NRCAM: variants seen among roughly 807,000 people sequenced by gnomAD.
The protein encoded by NRCAM is NgCAM-related cell adhesion molecule.
Under a neutral mutation model 156.5 loss-of-function variants are expected in NRCAM, and 83 were observed. The ratio of observed to expected loss-of-function variants is 0.53; its 90% CI spans 0.44 to 0.64. The LOEUF (loss-of-function observed/expected upper bound fraction) is 0.64, where lower values mean the gene tolerates loss of function less well. Ranked by LOEUF, NRCAM falls within the 30% of genes least tolerant of loss-of-function variation. NRCAM has a pLI of 0.00. For synonymous variants in NRCAM, 538 were observed against 563.9 expected, an observed-to-expected ratio of 0.95 and a Z score of 0.65; for missense variants, 1,417 against 1,597.3, an observed-to-expected ratio of 0.89 and a Z score of 1.92.
rs116908230 is a variant in NRCAM at position 108,326,190 on chromosome 7, A to G, written c.-173-13459T>C. ...TTGTGTTCAATAAGACAAAGTTAAT[A>G]TAAAAAGATACATCTAATTCTATGT... On this transcript the variant is annotated intron_variant, in intron 2 of 32. Coordinates refer to ENST00000379028, the MANE Select transcript of NRCAM (RefSeq NM_001037132.4). Among the ~76,000 whole-genome samples the G allele has an allele frequency of 9.3e-4, 141 of 152,364 alleles. 3 individuals are homozygous for G. The highest frequency in any genetic ancestry group is 1.0e-3 in the Non-Finnish European group (68 of 68,024).
intron 1 of NRCAM, among the ~76,000 whole-genome samples, chr7:108,439,405 G>C (rs932344141): frequency 6.6e-6 from 1 of 152,060 alleles, no homozygotes; most frequent in African/African-American, 2.4e-5. Context: ...GAAGATAAAT[G>C]ACTCCGTTCT....
intron 2 of NRCAM, among the ~76,000 whole-genome samples, chr7:108,397,231 AGTGACAGATTC>A (rs1427486267): frequency 6.6e-6 from 1 of 152,182 alleles, no homozygotes; most frequent in African/African-American, 2.4e-5. Context: ...TGTATGAAAA[AGTGACAGATTC>A]GTGGACCTTT....
chr7:108,315,086 T>C (rs898640471), intron 2 of NRCAM, among the ~76,000 whole-genome samples: 2 of 152,092 alleles, frequency 1.3e-5, no homozygotes, highest in Non-Finnish European at 2.9e-5. Flanking sequence ...GAACATCAAT[T>C]ATGAAAACTT....
intron 2 of NRCAM, among the ~76,000 whole-genome samples, chr7:108,371,899 T>C (rs1241238794): frequency 6.6e-6 from 1 of 151,992 alleles, no homozygotes; most frequent in Non-Finnish European, 1.5e-5. Flanking sequence ...CCACAAAAGA[T>C]CATGAATAGC....
chr7:108,170,261 G>A (rs981361546), intron 28 of NRCAM, among the ~76,000 whole-genome samples: 1 of 152,122 alleles, frequency 6.6e-6, no homozygotes, highest in Admixed American at 6.5e-5. Context: ...GGATGAACCT[G>A]GAGGATACTA....
chr7:108,237,887 G>C, intron 4 of NRCAM, 118 bp from the exon 5 acceptor site: 2 of 693,120 alleles, frequency 2.9e-6, no homozygotes, highest in East Asian at 6.3e-5. Context: ...TATTTGATTT[G>C]ATCTAAGAAA....
chr7:108,335,434 C>CT (rs58975301), intron 2 of NRCAM, among the ~76,000 whole-genome samples: 3,473 of 69,766 alleles, frequency 0.05, 322 homozygotes, highest in African/African-American at 0.091. Context: ...GTTCCACCTG[C>CT]TTTTTTTTTT....
At chr7:108,232,645 A>G (rs1197180206) in intron 6 of NRCAM, 123 bp from the exon 7 acceptor site, 1 of 625,826 alleles carries the variant, frequency 1.6e-6, no homozygotes, top group Non-Finnish European at 2.7e-6. Flanking sequence ...TCAGTAAGAG[A>G]GCAATAAGCC....
intron 2 of NRCAM, among the ~76,000 whole-genome samples, chr7:108,346,898 CA>C (rs2099359342): frequency 7.2e-6 from 1 of 138,496 alleles, no homozygotes; most frequent in South Asian, 2.4e-4. Flanking sequence ...TAATATTCAT[CA>C]TATGTTTAAC....
At chr7:108,398,153 T>C (rs2099782205) in intron 2 of NRCAM, among the ~76,000 whole-genome samples, 1 of 152,206 alleles carries the variant, frequency 6.6e-6, no homozygotes, top group African/African-American at 2.4e-5. Flanking sequence ...TATTTCTATC[T>C]AGATGTCCCT....
At chr7:108,213,909 C>G (rs1326963465) in intron 11 of NRCAM, among the ~76,000 whole-genome samples, 1 of 152,106 alleles carries the variant, frequency 6.6e-6, no homozygotes, top group African/African-American at 2.4e-5. Context: ...TATTGATTTG[C>G]ATATGTTGAA....
intron 1 of NRCAM, among the ~76,000 whole-genome samples, chr7:108,447,739 G>C (rs935505570): frequency 6.6e-6 from 1 of 152,078 alleles, no homozygotes; most frequent in African/African-American, 2.4e-5. Flanking sequence ...TCTTTTAAAT[G>C]TAAATGTCTT....
chr7:108,382,142 C>G (rs2154359724), intron 2 of NRCAM, among the ~76,000 whole-genome samples: 1 of 151,834 alleles, frequency 6.6e-6, no homozygotes, highest in South Asian at 2.1e-4. Flanking sequence ...TTGTGTGGTG[C>G]TAAACCCACA....
chr7:108,419,901 T>C (rs1028602198), intron 1 of NRCAM, among the ~76,000 whole-genome samples: 12 of 152,180 alleles, frequency 7.9e-5, no homozygotes, highest in African/African-American at 2.7e-4. Context: ...AATGAGTGTA[T>C]GTAAAAAGGA....
In NRCAM at chr7:108,171,245, G is replaced by A. The variant is rs376958719; in HGVS notation, c.3188-2843C>T. On this transcript the variant is annotated intron_variant, in intron 28 of 32. Coordinates refer to ENST00000379028, the MANE Select transcript of NRCAM (RefSeq NM_001037132.4). ...GTCTTCCTCTGTAGATACCGCCAGTGTAGTTACCTACATTTTAGCTGCTGA... is the reference window on the plus strand; with the variant it reads ...GTCTTCCTCTGTAGATACCGCCAGTATAGTTACCTACATTTTAGCTGCTGA... Among the ~76,000 whole-genome samples the A allele has an allele frequency of 1.6e-3, 239 of 151,098 alleles. 1 individual carries two copies. Among genetic ancestry groups the A allele is most frequent in the Non-Finnish European group, 2.3e-3 (155 of 67,730 alleles).
In NRCAM at chr7:108,209,494, G is replaced by C. The variant is rs2082915057; in HGVS notation, c.1002C>G (p.Asp334Glu). The change falls in exon 12 of 33, where the codon GAC (aspartate) becomes GAG (glutamate). Residue 334 changes from aspartate to glutamate, a missense_variant. Transcript: ENST00000379028. ...TTGCTATACATTGGTAATTTCCAGAGTCTGCTTCTGAAACATGAATGATCT... is the reference window on the plus strand; with the variant it reads ...TTGCTATACATTGGTAATTTCCAGACTCTGCTTCTGAAACATGAATGATCT... Reference protein sequence around the residue: ...TLQIIHVSEADSGNYQCIAKN... With the variant: ...TLQIIHVSEAESGNYQCIAKN... 6.2e-7 allele frequency: 1 copy of C among 1,611,824 alleles called. No homozygotes were observed. Among genetic ancestry groups the C allele is most frequent in the African/African-American group, 1.3e-5 (1 of 74,972 alleles).
At chr7:108,394,791 A>G (rs1001390115) in intron 2 of NRCAM, among the ~76,000 whole-genome samples, 2 of 152,178 alleles carry the variant, frequency 1.3e-5, no homozygotes, top group Admixed American at 6.5e-5. Flanking sequence ...CTGCATCCTC[A>G]ATCTTTTTTT....
chr7:108,284,669 T>A (rs777178344), intron 3 of NRCAM, among the ~76,000 whole-genome samples: 1 of 152,200 alleles, frequency 6.6e-6, no homozygotes, highest in Non-Finnish European at 1.5e-5. Flanking sequence ...GAGACAGATG[T>A]TCTTCCTCTG....
chr7:108,445,188 A>G (rs971940085), intron 1 of NRCAM, among the ~76,000 whole-genome samples: 1 of 152,246 alleles, frequency 6.6e-6, no homozygotes, highest in Non-Finnish European at 1.5e-5. Context: ...GAAATAAAAT[A>G]CAATTAGATT....
Sources: gnomAD v4.1 joint callset for allele counts (sites outside exome capture counted in the v4.1 genomes callset) on GRCh38, gnomAD v4.1.1 for gene constraint, MANE v1.5 for transcripts, NCBI Gene and HGNC (gene_info 2026-07-23, HGNC 2026-07-21) for gene names.